NCAM2: variants seen among roughly 807,000 people sequenced by gnomAD.
NCAM2 encodes the protein N-CAM-2.
A neutral mutation model predicts 98.1 loss-of-function variants in NCAM2; 30 were observed. The observed-to-expected ratio is 0.31, with a 90% confidence interval of 0.23 to 0.41. The LOEUF is 0.41. NCAM2 is among the 10% of genes least tolerant of loss of function. The pLI, the probability that NCAM2 is intolerant of heterozygous loss-of-function variation, is 1.00. For synonymous variants in NCAM2, 368 were observed against 342.4 expected (o/e 1.07, Z -0.83); for missense variants, 867 against 1,005.8 (o/e 0.86, Z 1.87).
intron 12 of NCAM2, among the ~76,000 whole-genome samples, chr21:21,446,587 A>C (rs1416127648): frequency 1.3e-5 from 2 of 152,098 alleles, no homozygotes; most frequent in African/African-American, 4.8e-5. Context: ...AGAGTATTCA[A>C]ATAGGAAGAG....
intron 1 of NCAM2, among the ~76,000 whole-genome samples, chr21:21,123,922 C>T (rs1471339672): frequency 8.2e-6 from 1 of 122,636 alleles, no homozygotes; most frequent in African/African-American, 3.1e-5. Flanking sequence ...TCTTGGCTCA[C>T]TGCAAGCTCC....
chr21:21,246,881 A>T (rs2071290071), intron 1 of NCAM2, among the ~76,000 whole-genome samples: 1 of 152,178 alleles, frequency 6.6e-6, no homozygotes, highest in Non-Finnish European at 1.5e-5. Flanking sequence ...CAACATAGCT[A>T]GTGAGTGGCT....
chr21:21,120,205 G>T (rs2066642985), intron 1 of NCAM2, among the ~76,000 whole-genome samples: 1 of 152,136 alleles, frequency 6.6e-6, no homozygotes, highest in South Asian at 2.1e-4. Context: ...AAGTATATGG[G>T]TATTCGTTGG....
At chr21:21,265,529 A>C (rs2072232991) in intron 1 of NCAM2, among the ~76,000 whole-genome samples, 1 of 97,952 alleles carries the variant, frequency 1.0e-5, no homozygotes, top group Non-Finnish European at 2.4e-5. Context: ...ATACACACAT[A>C]TGTGTGTATG....
intron 1 of NCAM2, among the ~76,000 whole-genome samples, chr21:21,275,291 T>G (rs1195539407): frequency 6.6e-6 from 1 of 151,544 alleles, no homozygotes; most frequent in East Asian, 1.9e-4. Flanking sequence ...ATACAAAAAA[T>G]TAGCCGGGCG....
At chr21:21,036,896 A>G (rs2089975824) in intron 1 of NCAM2, among the ~76,000 whole-genome samples, 1 of 152,218 alleles carries the variant, frequency 6.6e-6, no homozygotes, top group South Asian at 2.1e-4. Flanking sequence ...CCCAAGAGAT[A>G]AATCCTGGCT....
intron 8 of NCAM2, among the ~76,000 whole-genome samples, chr21:21,356,551 A>C (rs1018563822): frequency 1.3e-5 from 2 of 152,178 alleles, no homozygotes; most frequent in Non-Finnish European, 2.9e-5. Context: ...TTTATAAAAT[A>C]TAAGCAGTGA....
chr21:21,078,548 G>A (rs761439002), intron 1 of NCAM2, among the ~76,000 whole-genome samples: 9 of 152,256 alleles, frequency 5.9e-5, no homozygotes, highest in Admixed American at 2.0e-4. Context: ...AGATGCTGGC[G>A]AGACTGTGGA....
At chr21:21,185,016 T>C (rs543697985) in intron 1 of NCAM2, among the ~76,000 whole-genome samples, 1 of 152,252 alleles carries the variant, frequency 6.6e-6, no homozygotes, top group African/African-American at 2.4e-5. Context: ...AGTGACATCG[T>C]ATTTTCAGTA....
intron 1 of NCAM2, among the ~76,000 whole-genome samples, chr21:21,089,294 C>T (rs1220931966): frequency 6.6e-6 from 1 of 151,984 alleles, no homozygotes; most frequent in Non-Finnish European, 1.5e-5. Context: ...TGAAAAATTT[C>T]ATCGAAAAGA....
At chr21:21,464,847 T>A (rs1209562582) in intron 12 of NCAM2, among the ~76,000 whole-genome samples, 1 of 152,162 alleles carries the variant, frequency 6.6e-6, no homozygotes, top group Middle Eastern at 3.2e-3. Context: ...CTGAAAAGTT[T>A]GCAGGTCATT....
intron 5 of NCAM2, among the ~76,000 whole-genome samples, chr21:21,313,715 TA>T (rs2074129376): frequency 6.6e-6 from 1 of 152,074 alleles, no homozygotes; most frequent in Non-Finnish European, 1.5e-5. Flanking sequence ...ATCATTCATT[TA>T]AAATGTTATT....
intron 1 of NCAM2, among the ~76,000 whole-genome samples, chr21:21,197,152 CAG>C (rs2069033532): frequency 6.6e-6 from 1 of 152,128 alleles, no homozygotes; most frequent in African/African-American, 2.4e-5. Context: ...TTTTTTGAGA[CAG>C]AGTCTCACTC....
chr21:21,301,408 A>C (rs2073709259), intron 5 of NCAM2, among the ~76,000 whole-genome samples: 1 of 143,776 alleles, frequency 7.0e-6, no homozygotes. Context: ...ATTATACTTT[A>C]AGTTTTAGGG....
intron 1 of NCAM2, among the ~76,000 whole-genome samples, chr21:21,246,816 C>T (rs1245059872): frequency 1.3e-5 from 2 of 152,120 alleles, no homozygotes; most frequent in African/African-American, 4.8e-5. Flanking sequence ...TTATATTTTT[C>T]TATCTTCTGA....
intron 1 of NCAM2, among the ~76,000 whole-genome samples, chr21:21,269,534 A>G (rs1364781456): frequency 6.6e-6 from 1 of 152,202 alleles, no homozygotes; most frequent in East Asian, 1.9e-4. Flanking sequence ...AAACCTACAC[A>G]TGCCTTGTAA....
intron 1 of NCAM2, among the ~76,000 whole-genome samples, chr21:21,247,114 T>C (rs371460803): frequency 2.0e-5 from 3 of 151,716 alleles, no homozygotes; most frequent in East Asian, 1.9e-4. Flanking sequence ...GGTCAGGAGA[T>C]TGAGACCATC....
At chr21:21,112,832 A>G (rs926304543) in intron 1 of NCAM2, among the ~76,000 whole-genome samples, 4 of 152,290 alleles carry the variant, frequency 2.6e-5, no homozygotes, top group Admixed American at 2.6e-4. Flanking sequence ...GTCAATAACA[A>G]GTATTATAGT....
At chr21:21,176,041 T>C (rs1353589137) in intron 1 of NCAM2, among the ~76,000 whole-genome samples, 1 of 152,132 alleles carries the variant, frequency 6.6e-6, no homozygotes, top group Non-Finnish European at 1.5e-5. Context: ...GCATTAGATG[T>C]TCTGTGAGTT....
Sources: allele counts gnomAD v4.1 joint callset (sites outside exome capture counted in the v4.1 genomes callset), GRCh38; gene constraint gnomAD v4.1.1; transcripts MANE v1.5; gene names NCBI Gene and HGNC (gene_info 2026-07-23, HGNC 2026-07-21).